Variants in KIF3B observed in about 807,000 individuals in gnomAD.
KIF3B encodes the protein kinesin family member 3B, also known as kinesin-like protein KIF3B.
Under a neutral mutation model 74.3 loss-of-function variants are expected in KIF3B, and 38 were observed. The ratio of observed to expected loss-of-function variants is 0.51; its 90% CI spans 0.39 to 0.67. The LOEUF (loss-of-function observed/expected upper bound fraction) is 0.67, where lower values mean the gene tolerates loss of function less well. KIF3B is among the 30% of genes least tolerant of loss of function. KIF3B has a pLI of 0.00. For synonymous variants in KIF3B, 326 were observed against 342.5 expected (o/e 0.95, Z 0.53); for missense variants, 649 against 932.0 (o/e 0.70, Z 3.95).
At chr20:32,329,232 G>A (rs1174082765) in intron 7 of KIF3B, among the ~76,000 whole-genome samples, 7 of 151,928 alleles carry the variant, frequency 4.6e-5, no homozygotes, top group South Asian at 2.1e-4. Flanking sequence ...TAGTAGAGAC[G>A]GGGTTTCACC....
chr20:32,311,975 G>C (rs981347875), intron 2 of KIF3B, among the ~76,000 whole-genome samples: 1 of 151,662 alleles, frequency 6.6e-6, no homozygotes, highest in East Asian at 1.9e-4. Flanking sequence ...GCTAAGTTTT[G>C]TATTTTTAGT....
At chr20:32,319,216 C>T (rs2122703876) in intron 5 of KIF3B, among the ~76,000 whole-genome samples, 1 of 152,134 alleles carries the variant, frequency 6.6e-6, no homozygotes, top group East Asian at 1.9e-4. Context: ...CCGACTTAGC[C>T]TCCCAAAGTG....
intron 2 of KIF3B, among the ~76,000 whole-genome samples, chr20:32,313,090 A>G (rs1381799681): frequency 6.6e-6 from 1 of 152,228 alleles, no homozygotes; most frequent in Admixed American, 6.5e-5. Flanking sequence ...GTGTGCTAAT[A>G]TATTTCTTTA....
At chr20:32,292,703 G>C (rs1021281929) in intron 1 of KIF3B, among the ~76,000 whole-genome samples, 5 of 151,896 alleles carry the variant, frequency 3.3e-5, no homozygotes, top group Admixed American at 1.3e-4. Flanking sequence ...GCTGCAGTAA[G>C]CTGAGATTCT....
chr20:32,320,264 T>A (rs2047853211), intron 5 of KIF3B, among the ~76,000 whole-genome samples: 1 of 152,184 alleles, frequency 6.6e-6, no homozygotes, highest in Non-Finnish European at 1.5e-5. Flanking sequence ...GATTTGAAGA[T>A]GCTTTCTGTT....
intron 1 of KIF3B, among the ~76,000 whole-genome samples, chr20:32,292,311 T>C (rs2047695748): frequency 6.6e-6 from 1 of 151,956 alleles, no homozygotes; most frequent in Admixed American, 6.6e-5. Context: ...TGGCTCACCA[T>C]GGTGGCTGGT....
chr20:32,298,263 C>T (rs968095007), intron 1 of KIF3B, among the ~76,000 whole-genome samples: 5 of 151,936 alleles, frequency 3.3e-5, no homozygotes, highest in African/African-American at 1.2e-4. Context: ...TGGCAAAAAC[C>T]CAGCCCTACA....
At chr20:32,323,770 C>G (rs908812520) in intron 5 of KIF3B, among the ~76,000 whole-genome samples, 2 of 151,360 alleles carry the variant, frequency 1.3e-5, no homozygotes, top group Non-Finnish European at 1.5e-5. Context: ...CTCAACTACT[C>G]GGGAGGCTGA....
chr20:32,316,640 A>G lies in KIF3B; in HGVS notation c.1620A>G (p.Lys540=), dbSNP rs370905283. 4.4e-5 allele frequency: 71 copies of G among 1,613,934 alleles called. No individual in the cohort carries two copies. The highest frequency in any genetic ancestry group is 5.8e-5 in the Non-Finnish European group (68 of 1,180,012). Residue 540 remains lysine (K), a synonymous_variant, in exon 4 of 9, where the codon AAA becomes AAG. Transcript: ENST00000375712. ...LQQEVDIKTK[K]LKKLFSKLQA... is the part of the protein sequence containing the mutation. ...AAGAGGTGGACATCAAGACCAAAAA[A>G]CTCAAAAAGGTATGAAAGGAATGAG... is the stretch of plus-strand genomic sequence containing the variant.
chr20:32,323,146 ATATATTTATATTTATATATT>A (rs1309732606), intron 5 of KIF3B, among the ~76,000 whole-genome samples: 14 of 41,076 alleles, frequency 3.4e-4, no homozygotes, highest in African/African-American at 8.0e-4. Context: ...ACATATATTT[ATATATTTATATTTATATATT>A]TATATTTATA....
chr20:32,327,992 T>C (rs993292199), intron 7 of KIF3B, among the ~76,000 whole-genome samples: 4 of 151,818 alleles, frequency 2.6e-5, no homozygotes, highest in African/African-American at 9.7e-5. Flanking sequence ...TCCCAGCTAC[T>C]TGGGAGGCTG....
intron 1 of KIF3B, among the ~76,000 whole-genome samples, chr20:32,281,567 C>A (rs1234659467): frequency 6.6e-6 from 1 of 152,066 alleles, no homozygotes; most frequent in Non-Finnish European, 1.5e-5. Context: ...AAATACAAAA[C>A]TTAGCTGGGT....
At chr20:32,300,498 C>T (rs1451018624) in intron 1 of KIF3B, among the ~76,000 whole-genome samples, 1 of 152,178 alleles carries the variant, frequency 6.6e-6, no homozygotes, top group Non-Finnish European at 1.5e-5. Context: ...CCACAATAGT[C>T]TCCATCTCCT....
At chr20:32,294,205 AAG>A (rs890709612) in intron 1 of KIF3B, among the ~76,000 whole-genome samples, 1 of 152,214 alleles carries the variant, frequency 6.6e-6, no homozygotes, top group African/African-American at 2.4e-5. Flanking sequence ...GAATGCCAAA[AAG>A]AGTTTCTTTT....
chr20:32,327,017 C>T, intron 6 of KIF3B, 133 bp downstream of exon 6: 1 of 565,134 alleles, frequency 1.8e-6, no homozygotes, highest in Non-Finnish European at 3.1e-6. Flanking sequence ...AAACCCACTG[C>T]ATTACTGATT....
At position 32,311,004 on chromosome 20, in the gene KIF3B, T is replaced by C; in HGVS notation, c.1227T>C (p.Asp409=). ...AAGAGGGTGAGGAGGAAGGGGATGATAAGGATGATTACTGGCGGGAACAGC... is the reference window on the plus strand; with the variant it reads ...AAGAGGGTGAGGAGGAAGGGGATGACAAGGATGATTACTGGCGGGAACAGC... ...EGEEGEEEGD[D]KDDYWREQQE... Residue 409 remains aspartate (D), a synonymous_variant, in exon 2 of 9, where the codon GAT becomes GAC. Coordinates refer to ENST00000375712, the MANE Select transcript of KIF3B (RefSeq NM_004798.4). The C allele has an allele frequency of 6.2e-7, 1 of 1,612,506 alleles. No homozygotes were observed. Among genetic ancestry groups the C allele is most frequent in the East Asian group, 2.2e-5 (1 of 44,812 alleles).
At position 32,310,563 on chromosome 20, in the gene KIF3B, A is replaced by G. The variant is rs368533621; in HGVS notation, c.786A>G (p.Leu262=). The G allele has an allele frequency of 1.2e-5, 20 of 1,614,056 alleles. No homozygotes were observed. Among genetic ancestry groups the G allele is most frequent in the Non-Finnish European group, 1.4e-5 (17 of 1,180,042 alleles). Residue 262 remains leucine, a synonymous_variant, in exon 2 of 9, where the codon TTA becomes TTG. Transcript: ENST00000375712. The surrounding 1 kb of genome is among the most constrained non-coding windows in gnomAD (Gnocchi z 6.5). ...QAKTGAQGER[L]KEATKINLSL... ...AGACCGGCGCACAAGGGGAGAGATT[A>G]AAAGAAGCTACCAAGATCAACCTCT...
At chr20:32,283,664 G>A (rs1340180562) in intron 1 of KIF3B, among the ~76,000 whole-genome samples, 2 of 151,934 alleles carry the variant, frequency 1.3e-5, no homozygotes, top group Non-Finnish European at 2.9e-5. Context: ...ACAAAAATTA[G>A]TCGGGTGTGG....
chr20:32,283,582 C>T (rs938106394), intron 1 of KIF3B, among the ~76,000 whole-genome samples: 4 of 151,126 alleles, frequency 2.6e-5, no homozygotes, highest in Admixed American at 6.6e-5. Context: ...GGCTGAGGCA[C>T]GTGGATCACC....
Sources: allele counts gnomAD v4.1 joint callset (sites outside exome capture counted in the v4.1 genomes callset), GRCh38; gene constraint gnomAD v4.1.1; non-coding constraint Gnocchi (gnomAD v3.1); transcripts MANE v1.5; gene names NCBI Gene and HGNC (gene_info 2026-07-23, HGNC 2026-07-21).